The following DRD2 variants were observed in gnomAD, a reference collection of about 807,000 sequenced individuals.
DRD2 encodes dopamine receptor D2.
A neutral mutation model predicts 38.0 loss-of-function variants in DRD2; 8 were observed. The observed-to-expected ratio is 0.21, with a 90% CI of 0.12 to 0.38. The LOEUF (loss-of-function observed/expected upper bound fraction) is 0.38, where lower values mean the gene tolerates loss of function less well. Ranked by LOEUF, DRD2 falls within the 10% of genes least tolerant of loss-of-function variation. DRD2 has a pLI of 1.00. For synonymous variants in DRD2, 230 were observed against 238.6 expected, an observed-to-expected ratio of 0.96 and a Z score of 0.33; for missense variants, 403 against 607.7, an observed-to-expected ratio of 0.66 and a Z score of 3.54.
chr11:113,420,921 C>T (rs148795405), intron 2 of DRD2, among the ~76,000 whole-genome samples: 2 of 152,292 alleles, frequency 1.3e-5, no homozygotes, highest in Non-Finnish European at 2.9e-5. Flanking sequence ...TTCCTTAATG[C>T]TCTTGCTCAC....
chr11:113,410,614 G>A lies in DRD2; in HGVS notation c.*113C>T, dbSNP rs1322152646. 16 of 1,345,736 alleles carry A rather than the reference G, an allele frequency of 1.2e-5. 1 individual carries two copies. In the Middle Eastern group the frequency reaches 1.5e-3, roughly 127 times the overall value. The allele number at this position is 1,345,736 out of a possible 1,614,324, so 83.4% of individuals were successfully genotyped here. Reference sequence around the variant, plus strand: ...AGCGAACACTGCAGGGCCTGCCGGGGTGAAGAGGAGGCCGATCCACCCAGG... The same window carrying A: ...AGCGAACACTGCAGGGCCTGCCGGGATGAAGAGGAGGCCGATCCACCCAGG... On this transcript the variant is annotated 3_prime_UTR_variant, in exon 8 of 8. Transcript: ENST00000362072.
At chr11:113,430,513 C>G (rs1052445364) in intron 1 of DRD2, among the ~76,000 whole-genome samples, 2 of 152,208 alleles carry the variant, frequency 1.3e-5, no homozygotes. Flanking sequence ...ACAGGGCCTT[C>G]CCAGCATTTC....
intron 1 of DRD2, among the ~76,000 whole-genome samples, chr11:113,464,013 G>A (rs1457711953): frequency 2.6e-5 from 4 of 152,174 alleles, no homozygotes; most frequent in Admixed American, 2.6e-4. Flanking sequence ...GGCACACTGG[G>A]TGCAGAGGAA....
In DRD2 at chr11:113,421,190, G is replaced by A. The variant is rs550115955; in HGVS notation, c.286-3054C>T. 1.3e-3 allele frequency among the ~76,000 whole-genome samples: 197 copies of A among 152,182 alleles called. 2 individuals are homozygous for A. The highest frequency in any genetic ancestry group is 1.1e-3 in the Non-Finnish European group (75 of 68,004). ...CCTCCCTCTCCTGCATAATTTTTCC[G>A]AAAGCATCATTTCTCCCTGAAAGTC... On this transcript the variant is annotated intron_variant, in intron 2 of 7. Coordinates refer to ENST00000362072, the MANE Select transcript of DRD2 (RefSeq NM_000795.4).
In DRD2 at chr11:113,413,368, T is replaced by G. The variant is rs781201472; in HGVS notation, c.811-485A>C. The G allele has an allele frequency of 4.8e-5, 25 of 522,374 alleles. 2 individuals carry two copies. Among genetic ancestry groups the G allele is most frequent in the South Asian group, 3.4e-4 (24 of 71,564 alleles). 32.4% of individuals were successfully genotyped at this position (522,374 alleles called of 1,614,324 possible). A position where few individuals can be genotyped will look rare whatever the true frequency, so the allele number is the denominator to read the frequency against. On this transcript the variant is annotated intron_variant, in intron 6 of 7. Coordinates refer to ENST00000362072, the MANE Select transcript of DRD2 (RefSeq NM_000795.4). Reference sequence around the variant, plus strand: ...GCGTACACACGTGGGCTCCATATTCTCCTGGATAGACTAATCTAGGTGCCA... The same window carrying G: ...GCGTACACACGTGGGCTCCATATTCGCCTGGATAGACTAATCTAGGTGCCA...
rs529313646 is a variant in DRD2, at chr11:113,411,252, T to A, written c.1139-332A>T. On this transcript the variant is annotated intron_variant, in intron 7 of 7. Coordinates refer to ENST00000362072, the MANE Select transcript of DRD2 (RefSeq NM_000795.4). The stretch of plus-strand genomic sequence containing the variant: ...AAATATCTACTCTACTTCCAGGTCA[T>A]CTTTGAGGGCTATAGACCCATGCCA... 2.6e-5 allele frequency among the ~76,000 whole-genome samples: 4 copies of A among 152,298 alleles called. No individual in the cohort carries two copies. The East Asian group carries it at 7.7e-4, about 29-fold the overall frequency.
intron 1 of DRD2, among the ~76,000 whole-genome samples, chr11:113,426,612 G>C (rs1471593045): frequency 6.6e-6 from 1 of 151,974 alleles, no homozygotes; most frequent in African/African-American, 2.4e-5. Flanking sequence ...GGTGGAAGAG[G>C]GTCTGCCCAA....
intron 1 of DRD2, among the ~76,000 whole-genome samples, chr11:113,450,994 G>A (rs1040771404): frequency 6.6e-6 from 1 of 152,156 alleles, no homozygotes; most frequent in Admixed American, 6.5e-5. Context: ...AGTCAAAGGT[G>A]GGACTTCTGG....
intron 6 of DRD2, 37 bp from the exon 7 acceptor site, chr11:113,412,920 C>A: frequency 6.3e-7 from 1 of 1,589,804 alleles, no homozygotes; most frequent in Non-Finnish European, 8.5e-7. Flanking sequence ...TAAAGCCGGA[C>A]AAGTTCCCAG....
intron 4 of DRD2, 71 bp from the exon 5 acceptor site, chr11:113,415,682 T>G: frequency 6.6e-7 from 1 of 1,518,460 alleles, no homozygotes; most frequent in East Asian, 2.4e-5. Context: ...AAGAGCCCAT[T>G]CATGTCCTTC....
intron 3 of DRD2, among the ~76,000 whole-genome samples, chr11:113,417,252 G>A (rs901999991): frequency 2.0e-5 from 3 of 152,220 alleles, no homozygotes; most frequent in South Asian, 4.1e-4. Flanking sequence ...TATTCTAACC[G>A]GCCCCACCTG....
intron 1 of DRD2, among the ~76,000 whole-genome samples, chr11:113,435,304 T>C (rs1245275630): frequency 7.1e-6 from 1 of 141,082 alleles, no homozygotes; most frequent in East Asian, 2.1e-4. Context: ...ACAAATTAAT[T>C]AACTGTTAGC....
chr11:113,445,568 G>C (rs1951139056), intron 1 of DRD2, among the ~76,000 whole-genome samples: 1 of 152,200 alleles, frequency 6.6e-6, no homozygotes. Flanking sequence ...CAGGCAAAGG[G>C]GAGGGTCCTC....
chr11:113,421,817 C>T lies in DRD2; in HGVS notation c.285+2550G>A, dbSNP rs75627882. On this transcript the variant is annotated intron_variant, in intron 2 of 7. Transcript: ENST00000362072. The stretch of plus-strand genomic sequence containing the variant: ...GGGACGTTCTCTAGGGACAACAAAT[C>T]GCTGAGATAATGTCCATTAAACAAG... Among the ~76,000 whole-genome samples the T allele has an allele frequency of 5.5e-4, 83 of 152,202 alleles. No individual in the cohort carries two copies. The East Asian group carries it at 7.9e-3, about 15-fold the overall frequency.
rs373145551 is a variant in DRD2, at chr11:113,439,781, G to A, written c.-31-15099C>T. On this transcript the variant is annotated intron_variant, in intron 1 of 7. Transcript: ENST00000362072. ...CTGAACCCGGAAGGTAGAGGTTGCA[G>A]TGAGCCCAGATCACACCACTGCACT... Among the ~76,000 whole-genome samples, 6 of 128,044 alleles carry A rather than the reference G, an allele frequency of 4.7e-5. No individual in the cohort carries two copies. In the East Asian group the frequency reaches 1.3e-3, roughly 28 times the overall value. 84.0% of individuals were successfully genotyped at this position (128,044 alleles called of 152,430 possible).
chr11:113,445,360 G>C (rs1355394710), intron 1 of DRD2, among the ~76,000 whole-genome samples: 1 of 152,210 alleles, frequency 6.6e-6, no homozygotes, highest in Non-Finnish European at 1.5e-5. Context: ...CACTTTAGGG[G>C]AAGCTGAGTG....
At chr11:113,465,858 A>G (rs1342155919) in intron 1 of DRD2, among the ~76,000 whole-genome samples, 1 of 152,230 alleles carries the variant, frequency 6.6e-6, no homozygotes, top group Non-Finnish European at 1.5e-5. Flanking sequence ...CAGGTTGGGA[A>G]GGGTTCTGTG....
intron 1 of DRD2, among the ~76,000 whole-genome samples, chr11:113,469,679 T>C (rs1304873641): frequency 1.3e-5 from 2 of 152,022 alleles, no homozygotes; most frequent in Admixed American, 6.6e-5. Context: ...CTACAAAAAA[T>C]TCTTTAAAAA....
chr11:113,432,425 C>T (rs1329632172), intron 1 of DRD2, among the ~76,000 whole-genome samples: 5 of 152,030 alleles, frequency 3.3e-5, no homozygotes, highest in African/African-American at 1.2e-4. Context: ...ACCCCAGCAA[C>T]GTGTTTCCTA....
Sources: gnomAD v4.1 joint callset for allele counts (sites outside exome capture counted in the v4.1 genomes callset) on GRCh38, gnomAD v4.1.1 for gene constraint, MANE v1.5 for transcripts, NCBI Gene and HGNC (gene_info 2026-07-23, HGNC 2026-07-21) for gene names.